The following CNOT6 variants were observed in gnomAD, a reference collection of about 807,000 sequenced individuals.
CNOT6 encodes the protein carbon catabolite repression 4 protein.
Under a neutral mutation model 61.2 loss-of-function variants are expected in CNOT6, and 12 were observed. The ratio of observed to expected loss-of-function variants is 0.20; its 90% CI spans 0.13 to 0.32. The LOEUF is 0.32. Ranked by LOEUF, CNOT6 falls within the 10% of genes least tolerant of loss-of-function variation. The pLI, the probability that CNOT6 is intolerant of heterozygous loss-of-function variation, is 1.00. For missense variants in CNOT6, 405 were observed against 663.9 expected, an observed-to-expected ratio of 0.61 and a Z score of 4.28; for synonymous variants, 225 against 240.6, an observed-to-expected ratio of 0.94 and a Z score of 0.60.
At position 180,505,446 on chromosome 5, in the gene CNOT6, A is replaced by C. The variant is rs1260172236; in HGVS notation, c.-3+10683A>C. ...AATTTTTTTTGTATTTTTAGTAGAG[A>C]CGGGGTTTCACTGTGTAGCCATCCT... On this transcript the variant is annotated intron_variant, in intron 1 of 11. Coordinates refer to ENST00000261951, the MANE Select transcript of CNOT6 (RefSeq NM_001370472.1). Among the ~76,000 whole-genome samples, 3 of 135,050 alleles carry C rather than the reference A, an allele frequency of 2.2e-5. No homozygotes were observed. The East Asian group carries it at 6.5e-4, about 29-fold the overall frequency. 88.6% of individuals were successfully genotyped at this position (135,050 alleles called of 152,430 possible).
At chr5:180,541,440 AATTTTTTTTT>A (rs1466037326) in intron 2 of CNOT6, among the ~76,000 whole-genome samples, 8 of 103,000 alleles carry the variant, frequency 7.8e-5, no homozygotes, top group South Asian at 3.2e-4. Context: ...CTGGCCAAGA[AATTTTTTTTT>A]TTTTTTTTTT....
intron 2 of CNOT6, among the ~76,000 whole-genome samples, chr5:180,540,075 C>T (rs545266247): frequency 1.3e-5 from 2 of 151,964 alleles, no homozygotes; most frequent in Admixed American, 6.6e-5. Flanking sequence ...CTTTTTTATT[C>T]CTATCCTACT....
At chr5:180,517,573 C>G (rs926607147) in intron 1 of CNOT6, among the ~76,000 whole-genome samples, 5 of 150,912 alleles carry the variant, frequency 3.3e-5, no homozygotes, top group African/African-American at 9.8e-5. Context: ...TTGAGACAGT[C>G]TCTCTCTTTT....
At chr5:180,495,273 G>A (rs1329648858) in intron 1 of CNOT6, 1 of 152,258 alleles carries the variant, frequency 6.6e-6, no homozygotes, top group Non-Finnish European at 1.5e-5. Flanking sequence ...TGAGGGAGAG[G>A]ACGGGGTGGA....
chr5:180,550,612 C>G (rs1388443555), intron 3 of CNOT6, among the ~76,000 whole-genome samples: 1 of 152,090 alleles, frequency 6.6e-6, no homozygotes, highest in African/African-American at 2.4e-5. Context: ...AGATCATTGG[C>G]TGAATTTTTT....
intron 6 of CNOT6, 37 bp from the exon 7 acceptor site, chr5:180,565,783 C>T: frequency 1.3e-6 from 2 of 1,520,994 alleles, no homozygotes; most frequent in Non-Finnish European, 8.9e-7. Flanking sequence ...TTTTTTTCTG[C>T]CACATGTGTG....
intron 1 of CNOT6, among the ~76,000 whole-genome samples, chr5:180,497,072 A>G (rs556482991): frequency 6.6e-6 from 1 of 152,206 alleles, no homozygotes; most frequent in Non-Finnish European, 1.5e-5. Flanking sequence ...TCACGCCTGT[A>G]ATCCCAGCAC....
chr5:180,572,675 C>A (rs980540133), intron 11 of CNOT6, among the ~76,000 whole-genome samples: 1 of 151,952 alleles, frequency 6.6e-6, no homozygotes, highest in African/African-American at 2.4e-5. Flanking sequence ...TCAGCCTCCC[C>A]GCTAACTTGG....
chr5:180,542,170 G>A (rs1029158630), intron 2 of CNOT6, among the ~76,000 whole-genome samples: 1 of 151,956 alleles, frequency 6.6e-6, no homozygotes, highest in African/African-American at 2.4e-5. Flanking sequence ...GTGTCTTCGT[G>A]TAGTTTTCTT....
intron 7 of CNOT6, 81 bp from the exon 8 acceptor site, chr5:180,567,007 A>G (rs1336852474): frequency 2.8e-5 from 36 of 1,287,212 alleles, no homozygotes; most frequent in Admixed American, 4.8e-5. Flanking sequence ...AATTATTTCA[A>G]GCTCTCAAAC....
At chr5:180,567,422 G>A (rs1760520759) in intron 8 of CNOT6, among the ~76,000 whole-genome samples, 180 bp downstream of exon 8, 1 of 152,112 alleles carries the variant, frequency 6.6e-6, no homozygotes, top group Admixed American at 6.5e-5. Flanking sequence ...ACCTTGTTTT[G>A]GAGACATGCT....
rs1039719094 is a variant in CNOT6 at position 180,541,747 on chromosome 5, C to T, written c.113-8184C>T. ...GATTACAGGCGTGAGCCACCATGCC[C>T]GGCCAGAGAAATTTTTTTTTTTTTT... On this transcript the variant is annotated intron_variant, in intron 2 of 11. Transcript: ENST00000261951. Among the ~76,000 whole-genome samples, 9 of 151,738 alleles carry T rather than the reference C, an allele frequency of 5.9e-5. No homozygotes were observed. The South Asian group carries it at 6.3e-4, about 11-fold the overall frequency.
chr5:180,541,847 G>T (rs546896967), intron 2 of CNOT6, among the ~76,000 whole-genome samples: 197 of 151,090 alleles, frequency 1.3e-3, no homozygotes, highest in African/African-American at 4.5e-3. Context: ...TCCGGCCAGA[G>T]AAATTTTTTT....
At chr5:180,512,472 T>C (rs1440873421) in intron 1 of CNOT6, among the ~76,000 whole-genome samples, 4 of 152,250 alleles carry the variant, frequency 2.6e-5, no homozygotes, top group African/African-American at 9.6e-5. Flanking sequence ...CTGCGGAGTT[T>C]GAATTCTTCT....
intron 1 of CNOT6, among the ~76,000 whole-genome samples, chr5:180,520,148 TAATG>T (rs1757818391): frequency 6.6e-6 from 1 of 152,174 alleles, no homozygotes; most frequent in African/African-American, 2.4e-5. Context: ...CATATACTAT[TAATG>T]AACATTTAGA....
intron 1 of CNOT6, among the ~76,000 whole-genome samples, chr5:180,509,375 A>G (rs754462260): frequency 6.6e-6 from 1 of 150,766 alleles, no homozygotes. Context: ...ATGATCTGCC[A>G]GCCTTGGCTT....
chr5:180,505,510 C>A (rs1300772849), intron 1 of CNOT6, among the ~76,000 whole-genome samples: 2 of 149,038 alleles, frequency 1.3e-5, no homozygotes, highest in African/African-American at 5.0e-5. Flanking sequence ...CCCACCTCGG[C>A]CTCCCAAAGT....
intron 4 of CNOT6, among the ~76,000 whole-genome samples, chr5:180,556,195 T>C (rs1759879425): frequency 6.6e-6 from 1 of 152,204 alleles, no homozygotes; most frequent in Non-Finnish European, 1.5e-5. Flanking sequence ...TGATCTCATT[T>C]ATGTGTGAAG....
intron 1 of CNOT6, among the ~76,000 whole-genome samples, chr5:180,507,687 C>T (rs1006686022): frequency 1.3e-5 from 2 of 152,196 alleles, no homozygotes; most frequent in African/African-American, 4.8e-5. Flanking sequence ...TTAGTACATT[C>T]TTGCACTGCT....
Sources: allele counts gnomAD v4.1 joint callset (sites outside exome capture counted in the v4.1 genomes callset), GRCh38; gene constraint gnomAD v4.1.1; transcripts MANE v1.5; gene names NCBI Gene and HGNC (gene_info 2026-07-23, HGNC 2026-07-21).